GLS: variants seen among roughly 807,000 people sequenced by gnomAD.
The protein encoded by GLS is glutaminase.
Under a neutral mutation model 86.7 loss-of-function variants are expected in GLS, and 36 were observed. The ratio of observed to expected loss-of-function variants is 0.42; its 90% confidence interval spans 0.32 to 0.55. GLS has a LOEUF of 0.55. Among genes scored for constraint, GLS ranks in the 20% least tolerant of loss-of-function variants. The pLI is 0.17. For synonymous variants in GLS, 317 were observed against 305.9 expected, an observed-to-expected ratio of 1.04 and a Z score of -0.38; for missense variants, 528 against 833.4, an observed-to-expected ratio of 0.63 and a Z score of 4.51.
intron 14 of GLS, among the ~76,000 whole-genome samples, chr2:190,948,120 G>C (rs751088389): frequency 6.6e-6 from 1 of 152,200 alleles, no homozygotes; most frequent in Non-Finnish European, 1.5e-5. Context: ...TGCATGGGCT[G>C]CCTCCTAGTG....
Position 190,927,382 on chromosome 2 carries a change from T to C in GLS, c.1325T>C (p.Ile442Thr), listed in dbSNP as rs1558984622. The C allele has an allele frequency of 6.2e-7, 1 of 1,613,996 alleles. No homozygotes were observed. The highest frequency in any genetic ancestry group is 1.3e-5 in the African/African-American group (1 of 75,034). Residue 442 changes from isoleucine (I) to threonine (T), a missense_variant, in exon 12 of 18, where the codon ATT becomes ACT. Ile to Thr is a moderately conservative substitution (Grantham distance 89). This residue lies in a region of GLS where 163 missense variants were observed against 429.2 expected (regional missense o/e 0.38). Transcript: ENST00000320717. ...ATLANGGFCPITGERVLSPEA... is the reference protein window; with the variant it reads ...ATLANGGFCPTTGERVLSPEA... ...CTGGCTAATGGTGGTTTCTGCCCAA[T>C]TACTGGTGAAAGAGTACTGAGCCCT...
At position 190,924,119 on chromosome 2, in the gene GLS, C is replaced by T. The variant is rs1015952791; in HGVS notation, c.1197+136C>T. On this transcript the variant is annotated intron_variant, in intron 10 of 17. Coordinates refer to ENST00000320717, the MANE Select transcript of GLS (RefSeq NM_014905.5). This position sits in a 1 kb window ranked among gnomAD's most constrained non-coding sequence, Gnocchi z 5.2. Reference sequence around the variant, plus strand: ...AAGGTGCAGAAGTTTTTGCAGAGTGCTCGTGAGTCAGTGTTATCAAATTGT... The same window carrying T: ...AAGGTGCAGAAGTTTTTGCAGAGTGTTCGTGAGTCAGTGTTATCAAATTGT... 3 of 597,672 alleles carry T rather than the reference C, an allele frequency of 5.0e-6. No homozygotes were observed. Among genetic ancestry groups the T allele is most frequent in the Non-Finnish European group, 8.9e-6 (3 of 336,504 alleles). The allele number at this position is 597,672 out of a possible 1,614,324, so 37.0% of individuals were successfully genotyped here. A position where few individuals can be genotyped will look rare whatever the true frequency, so the allele number is the denominator to read the frequency against.
chr2:190,930,425 A>G lies in GLS; in HGVS notation c.1426-12A>G. On this transcript the variant is annotated splice_polypyrimidine_tract_variant and intron_variant, in intron 12 of 17. Coordinates refer to ENST00000320717, the MANE Select transcript of GLS (RefSeq NM_014905.5). This position sits in a 1 kb window ranked among gnomAD's most constrained non-coding sequence, Gnocchi z 5.0. ...TGTTTACCTGAATACTCTTTTACTGAATTATTTTTAGGTTGGTCTTCCTGC... is the reference window on the plus strand; with the variant it reads ...TGTTTACCTGAATACTCTTTTACTGGATTATTTTTAGGTTGGTCTTCCTGC... The G allele has an allele frequency of 6.3e-7, 1 of 1,589,702 alleles. No homozygotes were observed.
At chr2:190,940,497 C>T (rs1690393997) in intron 14 of GLS, among the ~76,000 whole-genome samples, 4 of 152,092 alleles carry the variant, frequency 2.6e-5, no homozygotes, top group Admixed American at 2.6e-4. Flanking sequence ...TTCCACCTAT[C>T]TGAATGCCCT....
chr2:190,955,887 T>C lies in GLS; in HGVS notation c.1853+1069T>C, dbSNP rs1406225465. ...TCTCTAATGACCAGTGATGATGATATTTTTTTCACATGTTTGTTGGCTGCA... is the reference window on the plus strand; with the variant it reads ...TCTCTAATGACCAGTGATGATGATACTTTTTTCACATGTTTGTTGGCTGCA... On this transcript the variant is annotated intron_variant, in intron 17 of 17. Coordinates refer to ENST00000320717, the MANE Select transcript of GLS (RefSeq NM_014905.5). The surrounding 1 kb of genome is among the most constrained non-coding windows in gnomAD (Gnocchi z 5.6). Among the ~76,000 whole-genome samples, 2 of 152,190 alleles carry C rather than the reference T, an allele frequency of 1.3e-5. No individual in the cohort carries two copies. Among genetic ancestry groups the C allele is most frequent in the Non-Finnish European group, 2.9e-5 (2 of 68,030 alleles).
chr2:190,958,252 G>C (rs1245551472), intron 17 of GLS, among the ~76,000 whole-genome samples: 1 of 152,166 alleles, frequency 6.6e-6, no homozygotes, highest in Admixed American at 6.5e-5. Context: ...TCTGATGGTA[G>C]TTTGTATTTC....
intron 6 of GLS, among the ~76,000 whole-genome samples, chr2:190,907,148 T>C (rs1175552359): frequency 6.6e-6 from 1 of 151,974 alleles, no homozygotes. Context: ...ATGGTCTCGA[T>C]CTCCTGACCT....
chr2:190,922,030 A>G (rs575268854), intron 9 of GLS, among the ~76,000 whole-genome samples: 46 of 152,192 alleles, frequency 3.0e-4, no homozygotes, highest in Middle Eastern at 3.4e-3. Flanking sequence ...TAAAGAGTGC[A>G]GGCTGCTTGT....
rs1368418720 is a variant in GLS at position 190,881,107 on chromosome 2, G to A, written c.23G>A (p.Gly8Glu). Residue 8 changes from glycine to glutamate, a missense_variant, in exon 1 of 18, where the codon GGG (glycine) becomes GAG (glutamate). Around this residue, in one of 4 missense-constraint regions of GLS, gnomAD observed 224 missense variants for 187.9 expected, o/e 1.19. Transcript: ENST00000320717. MMRLRGS[G>E]MLRDLLLRSP... The stretch of plus-strand genomic sequence containing the variant: ...GGCATGATGCGGCTGCGAGGCTCGG[G>A]GATGCTGCGGGACCTGCTCCTGCGG... 3.2e-6 allele frequency: 5 copies of A among 1,562,310 alleles called. No homozygotes were observed. Among genetic ancestry groups the A allele is most frequent in the Non-Finnish European group, 4.3e-6 (5 of 1,162,184 alleles).
chr2:190,904,576 A>G (rs1249254812), intron 5 of GLS, among the ~76,000 whole-genome samples: 1 of 152,138 alleles, frequency 6.6e-6, no homozygotes, highest in Non-Finnish European at 1.5e-5. Flanking sequence ...TATTTGAGCC[A>G]AAAAAGATGG....
Position 190,963,000 on chromosome 2 carries a change from C to A in GLS, c.*14C>A. 2 of 1,560,964 alleles carry A rather than the reference C, an allele frequency of 1.3e-6. No homozygotes were observed. Among genetic ancestry groups the A allele is most frequent in the East Asian group, 2.3e-5 (1 of 44,194 alleles). ...GGATTGTTGTAATGGTCTCAAATCC[C>A]AAGATTTAAATCACTTACCTATTTA... On this transcript the variant is annotated 3_prime_UTR_variant, in exon 18 of 18. Transcript: ENST00000320717. This position sits in a 1 kb window ranked among gnomAD's most constrained non-coding sequence, Gnocchi z 4.2.
Position 190,929,162 on chromosome 2 carries a change from A to AT in GLS, c.1426-1264dup, listed in dbSNP as rs980007056. On this transcript the variant is annotated intron_variant, in intron 12 of 17. Coordinates refer to ENST00000320717, the MANE Select transcript of GLS (RefSeq NM_014905.5). ...AATGAACACTGCTCTAATGACATTA[A>AT]TTTTTTTTTTTATCATTTGTCAAGT... Among the ~76,000 whole-genome samples, 185 of 145,814 alleles carry AT rather than the reference A, an allele frequency of 1.3e-3. 1 individual carries two copies. The highest frequency in any genetic ancestry group is 8.9e-3 in the East Asian group (44 of 4,970).
intron 7 of GLS, chr2:190,919,702 T>G (rs1301237149): frequency 1.3e-6 from 1 of 783,150 alleles, no homozygotes; most frequent in Non-Finnish European, 1.5e-6. Flanking sequence ...TAATTATTTT[T>G]CATTGAACAG....
intron 17 of GLS, among the ~76,000 whole-genome samples, chr2:190,961,689 G>GTT (rs11386437): frequency 0.031 from 4,220 of 135,848 alleles, 135 homozygotes; most frequent in African/African-American, 0.046. Context: ...TAATTCAGCT[G>GTT]TTTTTTTTTT....
rs1291680997 is a variant in GLS at position 190,930,861 on chromosome 2, G to C, written c.1557+293G>C. Among the ~76,000 whole-genome samples, 1 of 152,096 alleles carries C rather than the reference G, an allele frequency of 6.6e-6. No homozygotes were observed. The highest frequency in any genetic ancestry group is 1.5e-5 in the Non-Finnish European group (1 of 68,010). On this transcript the variant is annotated intron_variant, in intron 13 of 17. Coordinates refer to ENST00000320717, the MANE Select transcript of GLS (RefSeq NM_014905.5). The surrounding 1 kb of genome is among the most constrained non-coding windows in gnomAD (Gnocchi z 5.0). ...AACAAAAGGTATTAAACTTGGAGAA[G>C]TAATTTAAAAGCCAGTATATCTTAA...
At chr2:190,931,502 G>T in intron 13 of GLS, 43 bp from the exon 14 acceptor site, 1 of 858,866 alleles carries the variant, frequency 1.2e-6, no homozygotes, top group South Asian at 1.6e-5. Flanking sequence ...TATAACCAAT[G>T]AATAGCCAAT....
intron 14 of GLS, among the ~76,000 whole-genome samples, chr2:190,946,670 C>T (rs544012944): frequency 4.6e-5 from 7 of 152,092 alleles, no homozygotes; most frequent in East Asian, 1.9e-4. Flanking sequence ...ATTTTTCCTC[C>T]GTCTCTCCCT....
At chr2:190,961,699 T>C (rs546765236) in intron 17 of GLS, among the ~76,000 whole-genome samples, 1 of 151,858 alleles carries the variant, frequency 6.6e-6, no homozygotes, top group African/African-American at 2.4e-5. Context: ...GTTTTTTTTT[T>C]TTTTTTGATA....
In GLS at chr2:190,882,338, T is replaced by C. The variant is rs148598646; in HGVS notation, c.386+868T>C. Among the ~76,000 whole-genome samples, 24 of 152,348 alleles carry C rather than the reference T, an allele frequency of 1.6e-4. No individual in the cohort carries two copies. The East Asian group carries it at 4.6e-3, about 29-fold the overall frequency. On this transcript the variant is annotated intron_variant, in intron 1 of 17. Transcript: ENST00000320717. The stretch of plus-strand genomic sequence containing the variant: ...CCTGTATGTGTACGGCACAGTAGTT[T>C]AGTCTTAAAGCAAAACTGGTTTTTC...
Sources: gnomAD v4.1 joint callset for allele counts (sites outside exome capture counted in the v4.1 genomes callset) on GRCh38, gnomAD v4.1.1 for gene constraint, gnomAD v4.1.1 regional missense constraint, Gnocchi (gnomAD v3.1) non-coding constraint, MANE v1.5 for transcripts, NCBI Gene and HGNC (gene_info 2026-07-23, HGNC 2026-07-21) for gene names.